The following ATM variants were observed in gnomAD, a reference collection of about 807,000 sequenced individuals.
The protein encoded by ATM is ATM serine/threonine kinase.
In ATM, 308 loss-of-function variants were observed where a neutral mutation model predicts 387.0. The observed-to-expected ratio is 0.80, with a 90% CI of 0.73 to 0.87. The LOEUF (loss-of-function observed/expected upper bound fraction) is 0.87, where lower values mean the gene tolerates loss of function less well. ATM is among the 40% of genes least tolerant of loss of function. The probability of loss-of-function intolerance (pLI) is 0.00; values close to 1 mark genes in which losing one functional copy is unlikely to be tolerated. For missense variants in ATM, 3,312 were observed against 3,560.9 expected (o/e 0.93, Z 1.78); for synonymous variants, 1,156 against 1,187.3 (o/e 0.97, Z 0.54).
At chr11:108,254,145 T>C (rs2080325973) in intron 13 of ATM, 106 bp downstream of exon 13, 3 of 1,115,886 alleles carry the variant, frequency 2.7e-6, no homozygotes, top group African/African-American at 3.1e-5. Context: ...GGTGGGAGGC[T>C]TCATTTTAAA....
chr11:108,241,674 C>A (rs191460985), intron 5 of ATM, among the ~76,000 whole-genome samples: 2 of 148,618 alleles, frequency 1.3e-5, no homozygotes, highest in East Asian at 4.0e-4. Flanking sequence ...TGCCTTCTTT[C>A]ATTTAGTAAT....
At chr11:108,322,799 T>G (rs1474444397) in intron 45 of ATM, among the ~76,000 whole-genome samples, 2 of 152,108 alleles carry the variant, frequency 1.3e-5, no homozygotes, top group African/African-American at 4.8e-5. Context: ...TAAAATTGTT[T>G]CCTCATGTTT....
chr11:108,246,947 A>T lies in ATM; in HGVS notation c.902-17A>T, dbSNP rs755661712. The T allele has an allele frequency of 1.3e-6, 2 of 1,592,774 alleles. No individual in the cohort carries two copies. Among genetic ancestry groups the T allele is most frequent in the South Asian group, 2.2e-5 (2 of 90,146 alleles). ...AGTACATACATAAAAATTACATTTT[A>T]ATTTTTTGGATTACAGGTGCTTATG... On this transcript the variant is annotated splice_polypyrimidine_tract_variant and intron_variant, in intron 7 of 62. Coordinates refer to ENST00000675843, the MANE Select transcript of ATM (RefSeq NM_000051.4).
chr11:108,310,357 G>T (rs371629708), intron 39 of ATM, 42 bp downstream of exon 39: 2 of 1,563,568 alleles, frequency 1.3e-6, no homozygotes, highest in East Asian at 2.2e-5. Flanking sequence ...ATTAATGTTG[G>T]CATTGTCTCA....
intron 56 of ATM, among the ~76,000 whole-genome samples, chr11:108,339,146 T>A (rs1371660129): frequency 1.3e-5 from 2 of 152,214 alleles, no homozygotes; most frequent in East Asian, 3.8e-4. Flanking sequence ...ACATAGCCCT[T>A]AACATTAACC....
At chr11:108,241,742 C>CTTTTTTTTTTTTTT (rs1206745957) in intron 5 of ATM, among the ~76,000 whole-genome samples, 14 of 45,362 alleles carry the variant, frequency 3.1e-4, no homozygotes, top group African/African-American at 5.8e-4. Flanking sequence ...TTCTTTCTTT[C>CTTTTTTTTTTTTTT]TTTTTTTTTT....
At chr11:108,292,156 T>A (rs2082829321) in intron 29 of ATM, among the ~76,000 whole-genome samples, 1 of 152,172 alleles carries the variant, frequency 6.6e-6, no homozygotes. Flanking sequence ...TATACAATAG[T>A]TTGCAACTAA....
chr11:108,327,734 C>A lies in ATM; in HGVS notation c.7065C>A (p.Val2355=). ...LAETCLENPA[V]IMQTYLEKAV... ...AAACGTGCTTAGAAAATCCTGCGGTCATCATGCAGACCTATCTAGAAAAGG... is the reference window on the plus strand; with the variant it reads ...AAACGTGCTTAGAAAATCCTGCGGTAATCATGCAGACCTATCTAGAAAAGG... Residue 2355 remains valine, a synonymous_variant, in exon 48 of 63, where the codon GTC becomes GTA. Transcript: ENST00000675843. 2 of 1,613,832 alleles carry A rather than the reference C, an allele frequency of 1.2e-6. No individual in the cohort carries two copies. The highest frequency in any genetic ancestry group is 2.2e-5 in the South Asian group (2 of 90,994).
At chr11:108,294,341 A>G (rs2083001803) in intron 31 of ATM, among the ~76,000 whole-genome samples, 1 of 152,228 alleles carries the variant, frequency 6.6e-6, no homozygotes, top group Non-Finnish European at 1.5e-5. Flanking sequence ...TAAGTATGTT[A>G]AGATGTAAAG....
At chr11:108,246,177 A>G (rs1208830258) in intron 7 of ATM, among the ~76,000 whole-genome samples, 1 of 152,100 alleles carries the variant, frequency 6.6e-6, no homozygotes, top group Non-Finnish European at 1.5e-5. Flanking sequence ...GGGCTCTTCT[A>G]ATAAGTATAT....
At chr11:108,331,321 G>C (rs2086209164) in intron 50 of ATM, 123 bp from the exon 51 acceptor site, 3 of 1,465,216 alleles carry the variant, frequency 2.0e-6, no homozygotes, top group African/African-American at 2.9e-5. Context: ...AATATAGTTA[G>C]TGAAGTTTTG....
intron 30 of ATM, 92 bp from the exon 31 acceptor site, chr11:108,293,220 TA>T: frequency 1.2e-6 from 1 of 813,558 alleles, no homozygotes; most frequent in Admixed American, 2.9e-5. Flanking sequence ...TGATCTAGGT[TA>T]ATAGATTTTA....
At chr11:108,299,306 TC>T (rs1261380599) in intron 33 of ATM, among the ~76,000 whole-genome samples, 45 of 126,534 alleles carry the variant, frequency 3.6e-4, no homozygotes, top group African/African-American at 1.4e-3. Flanking sequence ...TAAGGTTGAT[TC>T]TCTCTCTCTT....
chr11:108,294,177 GT>G (rs985314195), intron 31 of ATM, among the ~76,000 whole-genome samples: 31 of 151,866 alleles, frequency 2.0e-4, no homozygotes, highest in African/African-American at 6.5e-4. Context: ...TAATGTTTGT[GT>G]TAGAGATAAC....
At chr11:108,295,242 C>A in intron 32 of ATM, 183 bp downstream of exon 32, 2 of 696,134 alleles carry the variant, frequency 2.9e-6, no homozygotes, top group Admixed American at 5.1e-5. Flanking sequence ...CTGAACTCTT[C>A]CTGTTTTATT....
chr11:108,359,839 AAGC>A (rs1207928978), intron 61 of ATM, among the ~76,000 whole-genome samples: 4 of 152,208 alleles, frequency 2.6e-5, no homozygotes, highest in African/African-American at 9.7e-5. Context: ...CCACAAGAGA[AAGC>A]AGGAAAGATC....
At position 108,260,664 on chromosome 11, in the gene ATM, G is replaced by A. The variant is rs573067447; in HGVS notation, c.2466+1589G>A. Among the ~76,000 whole-genome samples the A allele has an allele frequency of 9.9e-5, 15 of 152,262 alleles. No homozygotes were observed. The South Asian group carries it at 2.3e-3, about 23-fold the overall frequency. ...AAGATGGCCGAATAGGAACAGCTCC[G>A]GTCTACAGCTCCCAGCGTGAACGAC... On this transcript the variant is annotated intron_variant, in intron 16 of 62. Transcript: ENST00000675843.
intron 50 of ATM, 159 bp from the exon 51 acceptor site, chr11:108,331,285 A>G: frequency 1.4e-6 from 2 of 1,385,302 alleles, no homozygotes; most frequent in Admixed American, 3.1e-5. Flanking sequence ...AAAGACCTTC[A>G]GATAAGAAAA....
chr11:108,237,899 GT>G (rs369161623), intron 5 of ATM, among the ~76,000 whole-genome samples: 314 of 92,030 alleles, frequency 3.4e-3, no homozygotes, highest in African/African-American at 0.013. Context: ...ATTTACTTAG[GT>G]TTTTTTTTTT....
Sources: gnomAD v4.1 joint callset for allele counts (sites outside exome capture counted in the v4.1 genomes callset) on GRCh38, gnomAD v4.1.1 for gene constraint, MANE v1.5 for transcripts, NCBI Gene and HGNC (gene_info 2026-07-23, HGNC 2026-07-21) for gene names.